MBNL2: variants seen among roughly 807,000 people sequenced by gnomAD.
The protein encoded by MBNL2 is muscleblind like splicing regulator 2.
A neutral mutation model predicts 41.9 loss-of-function variants in MBNL2; 17 were observed. That is an observed-to-expected ratio of 0.41 (90% CI 0.28 to 0.61). MBNL2 has a LOEUF of 0.61. Among genes scored for constraint, MBNL2 ranks in the 20% least tolerant of loss-of-function variants. The pLI is 0.35. For synonymous variants in MBNL2, 195 were observed against 182.9 expected, an observed-to-expected ratio of 1.07 and a Z score of -0.53; for missense variants, 336 against 505.6, an observed-to-expected ratio of 0.66 and a Z score of 3.22.
At position 97,275,828 on chromosome 13, in the gene MBNL2, T is replaced by C. The variant is rs2052057540; in HGVS notation, c.-408T>C. ...TTAAAAAGGGGAAAGAAAAACATCC[T>C]GCTAAAATATGAACATCTGAGTGTC... On this transcript the variant is annotated 5_prime_UTR_variant, in exon 2 of 9. Transcript: ENST00000679496. 2 of 156,024 alleles carry C rather than the reference T, an allele frequency of 1.3e-5. No homozygotes were observed. The highest frequency in any genetic ancestry group is 1.3e-4 in the Admixed American group (2 of 15,580). The allele number at this position is 156,024 out of a possible 1,614,324, so 9.7% of individuals were successfully genotyped here. A position where few individuals can be genotyped will look rare whatever the true frequency, so the allele number is the denominator to read the frequency against.
At position 97,268,239 on chromosome 13, in the gene MBNL2, C is replaced by T. The variant is rs1288963398; in HGVS notation, c.-604-7393C>T. Among the ~76,000 whole-genome samples, 3 of 152,268 alleles carry T rather than the reference C, an allele frequency of 2.0e-5. No individual in the cohort carries two copies. Among genetic ancestry groups the T allele is most frequent in the Middle Eastern group, 3.4e-3 (1 of 294 alleles). ...CCTCCTGAATAGCTGGGATTACAGG[C>T]GTGCGCCACCATGCACGCCCGGCTA... On this transcript the variant is annotated intron_variant, in intron 1 of 8. Coordinates refer to ENST00000679496, the MANE Select transcript of MBNL2 (RefSeq NM_001382683.1). This position sits in a 1 kb window ranked among gnomAD's most constrained non-coding sequence, Gnocchi z 4.6.
chr13:97,332,621 A>G (rs1226849779), intron 2 of MBNL2, among the ~76,000 whole-genome samples: 1 of 152,200 alleles, frequency 6.6e-6, no homozygotes, highest in Non-Finnish European at 1.5e-5. Flanking sequence ...GAAGAGAGAA[A>G]AGAGAGATTC....
At chr13:97,196,882 G>T in the MBNL2 span, among the ~76,000 whole-genome samples, 1 of 152,164 alleles carries the variant, frequency 6.6e-6, no homozygotes, top group African/African-American at 2.4e-5. Context: ...AGGACCAGCA[G>T]CCTAGAAAGA....
chr13:97,245,863 A>G (rs2045359474), intron 1 of MBNL2, among the ~76,000 whole-genome samples: 1 of 152,226 alleles, frequency 6.6e-6, no homozygotes, highest in Non-Finnish European at 1.5e-5. Flanking sequence ...TCCATGCAGC[A>G]GCACAATTTT....
At chr13:97,328,159 C>T (rs971581660) in intron 2 of MBNL2, among the ~76,000 whole-genome samples, 5 of 149,034 alleles carry the variant, frequency 3.4e-5, no homozygotes, top group African/African-American at 1.0e-4. Flanking sequence ...AGTTCTGAGA[C>T]GGTTTCCTTA....
intron 1 of MBNL2, among the ~76,000 whole-genome samples, chr13:97,272,864 T>G (rs899157506): frequency 6.6e-6 from 1 of 152,254 alleles, no homozygotes; most frequent in Non-Finnish European, 1.5e-5. Context: ...AAGTGTATCT[T>G]GGTAGAGTCT....
At chr13:97,261,776 C>T (rs2048678873) in intron 1 of MBNL2, among the ~76,000 whole-genome samples, 1 of 152,300 alleles carries the variant, frequency 6.6e-6, no homozygotes, top group Non-Finnish European at 1.5e-5. Flanking sequence ...CTGAAGCTGC[C>T]CTGGTTTCAT....
At chr13:97,187,263 G>T in the MBNL2 span, among the ~76,000 whole-genome samples, 44 of 152,200 alleles carry the variant, frequency 2.9e-4, no homozygotes, top group Middle Eastern at 0.017. Flanking sequence ...TTACCAAAAA[G>T]AAGAGATAAG....
chr13:97,226,422 C>T (rs187902708), intron 1 of MBNL2, among the ~76,000 whole-genome samples: 2 of 152,306 alleles, frequency 1.3e-5, no homozygotes, highest in Admixed American at 1.3e-4. Flanking sequence ...TTATTAAACA[C>T]CTCTGGGCTT....
At chr13:97,227,624 C>T (rs2041837522) in intron 1 of MBNL2, among the ~76,000 whole-genome samples, 1 of 152,094 alleles carries the variant, frequency 6.6e-6, no homozygotes, top group Non-Finnish European at 1.5e-5. Context: ...GGAGGAGATG[C>T]ATTATAAACT....
chr13:97,183,893 C>G, the MBNL2 span, among the ~76,000 whole-genome samples: 8 of 152,158 alleles, frequency 5.3e-5, no homozygotes, highest in African/African-American at 1.9e-4. Flanking sequence ...TTGGCCTGTA[C>G]AGGAATGAGA....
chr13:97,171,703 T>C, the MBNL2 span, among the ~76,000 whole-genome samples: 1 of 152,182 alleles, frequency 6.6e-6, no homozygotes, highest in African/African-American at 2.4e-5. Flanking sequence ...GAAAGGAGGA[T>C]GGACCTATGT....
the MBNL2 span, among the ~76,000 whole-genome samples, chr13:97,213,498 G>C: frequency 6.6e-6 from 1 of 152,130 alleles, no homozygotes; most frequent in Non-Finnish European, 1.5e-5. Flanking sequence ...GCTCTGAGAG[G>C]TCCTTCGGTA....
chr13:97,164,268 A>T, the MBNL2 span, among the ~76,000 whole-genome samples: 2 of 152,264 alleles, frequency 1.3e-5, no homozygotes, highest in Admixed American at 6.5e-5. Context: ...TTGGTCTCCC[A>T]AACTGTTGGG....
At chr13:97,167,211 G>A in the MBNL2 span, among the ~76,000 whole-genome samples, 2 of 152,114 alleles carry the variant, frequency 1.3e-5, no homozygotes, top group Admixed American at 6.5e-5. Context: ...AGGAATCGAG[G>A]CCAAAACCAA....
Position 97,334,152 on chromosome 13 carries a change from A to ACACACACACC in MBNL2, c.175-115_175-114insCCACACACAC. 1 of 556,966 alleles carries ACACACACACC rather than the reference A, an allele frequency of 1.8e-6. No individual in the cohort carries two copies. The highest frequency in any genetic ancestry group is 3.5e-5 in the Admixed American group (1 of 28,504). The allele number at this position is 556,966 out of a possible 1,614,324, so 34.5% of individuals were successfully genotyped here. ...CATGAGCATGCGCGCGCACACCCAC[A>ACACACACACC]CACACACACACACACACACACACAG... is the stretch of plus-strand genomic sequence containing the variant. On this transcript the variant is annotated intron_variant, in intron 2 of 8. Transcript: ENST00000679496. This position sits in a 1 kb window ranked among gnomAD's most constrained non-coding sequence, Gnocchi z 5.3.
intron 1 of MBNL2, among the ~76,000 whole-genome samples, chr13:97,269,347 TG>T (rs1279204330): frequency 1.3e-5 from 2 of 152,170 alleles, no homozygotes; most frequent in Admixed American, 6.5e-5. Flanking sequence ...CTGCATATAA[TG>T]GGGCAATGCC....
the MBNL2 span, among the ~76,000 whole-genome samples, chr13:97,201,504 C>T: frequency 6.6e-6 from 1 of 152,116 alleles, no homozygotes; most frequent in Non-Finnish European, 1.5e-5. Flanking sequence ...GAATATCAGA[C>T]AGGAAAGAGG....
intron 8 of MBNL2, among the ~76,000 whole-genome samples, chr13:97,387,454 T>G (rs1360852735): frequency 6.6e-6 from 1 of 152,044 alleles, no homozygotes; most frequent in Non-Finnish European, 1.5e-5. Context: ...CTCCAAACAG[T>G]CTCACTGTCT....
Sources: gnomAD v4.1 joint callset for allele counts (sites outside exome capture counted in the v4.1 genomes callset) on GRCh38, gnomAD v4.1.1 for gene constraint, Gnocchi (gnomAD v3.1) non-coding constraint, MANE v1.5 for transcripts, NCBI Gene and HGNC (gene_info 2026-07-23, HGNC 2026-07-21) for gene names.